Variants in ELAVL4 observed in about 807,000 individuals in gnomAD.
The protein encoded by ELAVL4 is ELAV like RNA binding protein 4.
In ELAVL4, 1 loss-of-function variant was observed where a neutral mutation model predicts 35.6. The ratio of observed to expected loss-of-function variants is 0.03; its 90% CI spans 0.01 to 0.13. The LOEUF (loss-of-function observed/expected upper bound fraction) is 0.13, where lower values mean the gene tolerates loss of function less well. Among genes scored for constraint, ELAVL4 ranks in the 10% least tolerant of loss-of-function variants. The probability of loss-of-function intolerance (pLI) is 1.00; values close to 1 mark genes in which losing one functional copy is unlikely to be tolerated. For synonymous variants in ELAVL4, 156 were observed against 171.0 expected (o/e 0.91, Z 0.69); for missense variants, 267 against 464.9 (o/e 0.57, Z 3.91).
intron 3 of ELAVL4, among the ~76,000 whole-genome samples, chr1:50,178,546 A>G (rs750555860): frequency 6.6e-6 from 1 of 152,212 alleles, no homozygotes; most frequent in Non-Finnish European, 1.5e-5. Context: ...ATACAGCCTG[A>G]TACACAAAGA....
chr1:50,075,213 C>T (rs1664706241), intron 1 of ELAVL4, among the ~76,000 whole-genome samples: 1 of 152,134 alleles, frequency 6.6e-6, no homozygotes, highest in South Asian at 2.1e-4. Context: ...AGAAAGAGAT[C>T]ACATCAATTC....
intron 1 of ELAVL4, among the ~76,000 whole-genome samples, chr1:50,134,257 A>G (rs186948773): frequency 1.8e-4 from 28 of 152,298 alleles, no homozygotes; most frequent in Admixed American, 1.6e-3. Flanking sequence ...ATAAATATAC[A>G]ATACTAATGT....
At chr1:50,143,090 G>C (rs756799230) in intron 1 of ELAVL4, among the ~76,000 whole-genome samples, 4 of 152,196 alleles carry the variant, frequency 2.6e-5, no homozygotes, top group Non-Finnish European at 5.9e-5. Flanking sequence ...TTACCTTTGA[G>C]GGGTGAGGTA....
intron 2 of ELAVL4, among the ~76,000 whole-genome samples, chr1:50,167,589 A>G (rs1334710631): frequency 2.0e-5 from 3 of 152,164 alleles, no homozygotes; most frequent in East Asian, 1.9e-4. Flanking sequence ...CTGCTGGCCA[A>G]TTAGGCACTC....
chr1:50,135,711 C>T (rs1486730819), intron 1 of ELAVL4, among the ~76,000 whole-genome samples: 2 of 152,068 alleles, frequency 1.3e-5, no homozygotes, highest in Non-Finnish European at 2.9e-5. Context: ...TGCCTCTGCC[C>T]AAAGGTATTA....
intron 2 of ELAVL4, among the ~76,000 whole-genome samples, chr1:50,163,598 G>A (rs539074875): frequency 2.0e-5 from 3 of 152,228 alleles, no homozygotes; most frequent in Admixed American, 6.5e-5. Flanking sequence ...AGGTCGAGGC[G>A]GCAGATCACT....
chr1:50,106,012 C>T (rs1273526986), upstream of ELAVL4: 15 of 317,604 alleles, frequency 4.7e-5, no homozygotes, highest in Non-Finnish European at 8.0e-5. Flanking sequence ...TTTTTTTTCC[C>T]TATATTTATG....
intron 1 of ELAVL4, chr1:50,114,927 C>A (rs1421733555): frequency 6.6e-6 from 1 of 152,092 alleles, no homozygotes; most frequent in Non-Finnish European, 1.5e-5. Context: ...ATGTTCACAT[C>A]CACTCTGCTT....
At chr1:50,071,892 T>A (rs1192483032) in intron 1 of ELAVL4, among the ~76,000 whole-genome samples, 2 of 152,098 alleles carry the variant, frequency 1.3e-5, no homozygotes, top group African/African-American at 4.8e-5. Context: ...GTGATAGCAG[T>A]CTATATTGAG....
chr1:50,176,277 CT>C lies in ELAVL4; in HGVS notation c.251-809del, dbSNP rs760674268. ...GCTTTGTGTTAGGAGCTCCCCAGCT[CT>C]TTCCAGTAGAAACCCCCTCTCCTTT... On this transcript the variant is annotated intron_variant, in intron 2 of 6. Coordinates refer to ENST00000371824, the MANE Select transcript of ELAVL4 (RefSeq NM_001144774.3). Among the ~76,000 whole-genome samples the C allele has an allele frequency of 1.6e-4, 24 of 152,308 alleles. No homozygotes were observed. In the South Asian group the frequency reaches 1.7e-3, roughly 11 times the overall value.
intron 1 of ELAVL4, among the ~76,000 whole-genome samples, chr1:50,098,522 G>A (rs2148511428): frequency 6.6e-6 from 1 of 152,286 alleles, no homozygotes; most frequent in Non-Finnish European, 1.5e-5. Context: ...GGCTTTGGGT[G>A]TTGTAATGTT....
chr1:50,166,730 C>T (rs1379383629), intron 2 of ELAVL4, among the ~76,000 whole-genome samples: 1 of 152,174 alleles, frequency 6.6e-6, no homozygotes, highest in African/African-American at 2.4e-5. Context: ...AATGAATCTC[C>T]TGTATTCCAT....
chr1:50,155,735 G>A (rs1443197380), intron 2 of ELAVL4, among the ~76,000 whole-genome samples: 4 of 152,092 alleles, frequency 2.6e-5, no homozygotes, highest in Admixed American at 2.0e-4. Flanking sequence ...TTCAGCTTCC[G>A]TCTTTCTCGT....
At chr1:50,078,376 T>C (rs1441413338) in intron 1 of ELAVL4, among the ~76,000 whole-genome samples, 8 of 152,070 alleles carry the variant, frequency 5.3e-5, no homozygotes, top group Non-Finnish European at 2.9e-5. Context: ...TCCAAAACAC[T>C]ACTTGGGCCA....
At chr1:50,147,693 C>T (rs901444060) in intron 2 of ELAVL4, among the ~76,000 whole-genome samples, 3 of 150,304 alleles carry the variant, frequency 2.0e-5, no homozygotes, top group Non-Finnish European at 4.4e-5. Context: ...ACATCCTAGT[C>T]CCCCTTTTTC....
At chr1:50,090,301 C>A (rs771247065) in intron 1 of ELAVL4, among the ~76,000 whole-genome samples, 2 of 152,156 alleles carry the variant, frequency 1.3e-5, no homozygotes, top group African/African-American at 4.8e-5. Context: ...TCTCCTACCC[C>A]CTTCCTCTGC....
At chr1:50,155,408 T>C (rs1675558538) in intron 2 of ELAVL4, among the ~76,000 whole-genome samples, 1 of 152,090 alleles carries the variant, frequency 6.6e-6, no homozygotes, top group Non-Finnish European at 1.5e-5. Flanking sequence ...CCCACTGTAA[T>C]GCAGGATTGG....
intron 2 of ELAVL4, among the ~76,000 whole-genome samples, chr1:50,156,018 C>T (rs927490409): frequency 4.7e-5 from 7 of 149,796 alleles, no homozygotes; most frequent in Admixed American, 6.7e-5. Context: ...CATGCATGTG[C>T]GTGCACAGGC....
At chr1:50,082,598 G>A (rs1456978057) in intron 1 of ELAVL4, among the ~76,000 whole-genome samples, 2 of 151,910 alleles carry the variant, frequency 1.3e-5, no homozygotes, top group African/African-American at 2.4e-5. Flanking sequence ...TGGATAGATT[G>A]CAAAAATTTT....
Sources: gnomAD v4.1 joint callset for allele counts (sites outside exome capture counted in the v4.1 genomes callset) on GRCh38, gnomAD v4.1.1 for gene constraint, MANE v1.5 for transcripts, NCBI Gene and HGNC (gene_info 2026-07-23, HGNC 2026-07-21) for gene names.